FRMD3: variants seen among roughly 807,000 people sequenced by gnomAD.
The protein encoded by FRMD3 is FERM domain containing 3.
FRMD3 carries 33 observed loss-of-function variants against 70.2 expected under a neutral mutation model. That is an observed-to-expected ratio of 0.47 (90% confidence interval 0.36 to 0.63). The LOEUF (loss-of-function observed/expected upper bound fraction) is 0.63. Among genes scored for constraint, FRMD3 ranks in the 20% least tolerant of loss-of-function variants. FRMD3 has a pLI of 0.00. For synonymous variants in FRMD3, 279 were observed against 255.9 expected (o/e 1.09, Z -0.86); for missense variants, 632 against 711.4 (o/e 0.89, Z 1.27).
intron 1 of FRMD3, among the ~76,000 whole-genome samples, chr9:83,460,060 C>G (rs889649689): frequency 4.6e-5 from 7 of 152,230 alleles, no homozygotes; most frequent in Non-Finnish European, 1.0e-4. Flanking sequence ...TCCTTAGAGG[C>G]TCCACATTGA....
chr9:83,401,994 C>T (rs1331200533), intron 1 of FRMD3, among the ~76,000 whole-genome samples: 2 of 151,998 alleles, frequency 1.3e-5, no homozygotes, highest in African/African-American at 4.8e-5. Flanking sequence ...ATAATATTGT[C>T]ACCCATTTTA....
At chr9:83,554,117 T>A in the FRMD3 span, among the ~76,000 whole-genome samples, 1 of 151,908 alleles carries the variant, frequency 6.6e-6, no homozygotes, top group East Asian at 1.9e-4. Context: ...CATAGGGGGG[T>A]ATATTTGTGA....
At chr9:83,298,657 G>A (rs1834772790) in intron 12 of FRMD3, 91 bp downstream of exon 12, 1 of 945,290 alleles carries the variant, frequency 1.1e-6, no homozygotes, top group Non-Finnish European at 1.7e-6. Context: ...CTTCTTTAAT[G>A]CTGTATGTCA....
chr9:83,330,329 A>C (rs1327310826), intron 6 of FRMD3, among the ~76,000 whole-genome samples: 5 of 136,078 alleles, frequency 3.7e-5, no homozygotes, highest in Non-Finnish European at 8.2e-5. Flanking sequence ...CATCTCAAAA[A>C]AAAAAAAACA....
chr9:83,561,615 G>A, the FRMD3 span, among the ~76,000 whole-genome samples: 1 of 152,172 alleles, frequency 6.6e-6, no homozygotes, highest in Admixed American at 6.5e-5. Flanking sequence ...GAACCAGGCT[G>A]ACAGAACAAC....
chr9:83,540,327 C>A (rs1355823370), upstream of FRMD3, among the ~76,000 whole-genome samples: 2 of 152,170 alleles, frequency 1.3e-5, no homozygotes, highest in African/African-American at 2.4e-5. Flanking sequence ...GACCGTTAGG[C>A]TCCAAAAGAG....
At chr9:83,571,859 G>C in the FRMD3 span, among the ~76,000 whole-genome samples, 3 of 152,200 alleles carry the variant, frequency 2.0e-5, no homozygotes, top group Non-Finnish European at 4.4e-5. Flanking sequence ...GAGAATGAGA[G>C]AAGAGAAATT....
the FRMD3 span, among the ~76,000 whole-genome samples, chr9:83,558,205 C>T: frequency 6.6e-6 from 1 of 152,128 alleles, no homozygotes; most frequent in South Asian, 2.1e-4. Context: ...TGTGCATCTG[C>T]ATTTAAATTG....
intron 1 of FRMD3, among the ~76,000 whole-genome samples, chr9:83,485,476 T>G (rs1828668134): frequency 6.6e-6 from 1 of 152,196 alleles, no homozygotes; most frequent in Non-Finnish European, 1.5e-5. Flanking sequence ...GAAAAATGAT[T>G]TGCAAGTATT....
chr9:83,570,104 CTTCA>C, the FRMD3 span, among the ~76,000 whole-genome samples: 1 of 152,172 alleles, frequency 6.6e-6, no homozygotes, highest in Non-Finnish European at 1.5e-5. Flanking sequence ...CTCCGCTTAC[CTTCA>C]TTCACTCATG....
chr9:83,453,487 C>T (rs1243767244), intron 1 of FRMD3, among the ~76,000 whole-genome samples: 2 of 152,066 alleles, frequency 1.3e-5, no homozygotes, highest in Non-Finnish European at 2.9e-5. Context: ...CCTACTTTTT[C>T]AACTGTAAAT....
In FRMD3 at chr9:83,498,128, C is replaced by T. The variant is rs140925203; in HGVS notation, c.147+39957G>A. On this transcript the variant is annotated intron_variant, in intron 1 of 13. Coordinates refer to ENST00000304195, the MANE Select transcript of FRMD3 (RefSeq NM_174938.6). ...GAGGCTGCAGTGAGCTGAGAGTGTGCCACTGCACTCTCGCCTGGAAGACAG... is the reference window on the plus strand; with the variant it reads ...GAGGCTGCAGTGAGCTGAGAGTGTGTCACTGCACTCTCGCCTGGAAGACAG... Among the ~76,000 whole-genome samples the T allele has an allele frequency of 4.2e-3, 645 of 151,946 alleles. 3 individuals are homozygous for T. Among genetic ancestry groups the T allele is most frequent in the African/African-American group, 0.015 (611 of 41,412 alleles).
chr9:83,461,802 C>T (rs1267078414), intron 1 of FRMD3, among the ~76,000 whole-genome samples: 1 of 149,628 alleles, frequency 6.7e-6, no homozygotes, highest in African/African-American at 2.5e-5. Context: ...ATTCTCCTGC[C>T]TCAGCCTCCC....
intron 1 of FRMD3, among the ~76,000 whole-genome samples, chr9:83,418,159 C>T (rs372327527): frequency 6.6e-6 from 1 of 151,846 alleles, no homozygotes; most frequent in African/African-American, 2.4e-5. Context: ...GACATATTCA[C>T]GAAGCTAAGG....
At chr9:83,570,199 C>A in the FRMD3 span, among the ~76,000 whole-genome samples, 1 of 152,134 alleles carries the variant, frequency 6.6e-6, no homozygotes, top group African/African-American at 2.4e-5. Context: ...ATGAACAAAG[C>A]AGATAGAGGT....
intron 1 of FRMD3, chr9:83,467,595 C>A (rs1300658714): frequency 7.1e-7 from 1 of 1,402,418 alleles, no homozygotes; most frequent in African/African-American, 1.4e-5. Context: ...GAGTTGATTA[C>A]ATTTTAGCTG....
chr9:83,298,847 C>A, intron 11 of FRMD3, 31 bp from the exon 12 acceptor site: 1 of 1,600,704 alleles, frequency 6.2e-7, no homozygotes, highest in South Asian at 1.1e-5. Context: ...TGTGTATGCA[C>A]ACATAGTCAG....
At chr9:83,462,376 T>C (rs904391200) in intron 1 of FRMD3, among the ~76,000 whole-genome samples, 2 of 151,738 alleles carry the variant, frequency 1.3e-5, no homozygotes, top group Non-Finnish European at 2.9e-5. Context: ...CCCCTGGGGG[T>C]CTTATCCTCT....
downstream of FRMD3, chr9:83,243,123 C>G: frequency 6.9e-7 from 1 of 1,442,818 alleles, no homozygotes; most frequent in Non-Finnish European, 9.5e-7. Flanking sequence ...AACTTACCCA[C>G]CCAGTCACAG....
Sources: allele counts gnomAD v4.1 joint callset (sites outside exome capture counted in the v4.1 genomes callset), GRCh38; gene constraint gnomAD v4.1.1; transcripts MANE v1.5; gene names NCBI Gene and HGNC (gene_info 2026-07-23, HGNC 2026-07-21).